The following CARMIL1 variants were observed in gnomAD, a reference collection of about 807,000 sequenced individuals.
CARMIL1 encodes capping protein regulator and myosin 1 linker 1.
Under a neutral mutation model 177.1 loss-of-function variants are expected in CARMIL1, and 90 were observed. That is an observed-to-expected ratio of 0.51 (90% CI 0.43 to 0.61). The LOEUF (loss-of-function observed/expected upper bound fraction) is 0.61. Among genes scored for constraint, CARMIL1 ranks in the 20% least tolerant of loss-of-function variants. The probability of loss-of-function intolerance (pLI) is 0.00; values close to 1 mark genes in which losing one functional copy is unlikely to be tolerated. For missense variants in CARMIL1, 1,380 were observed against 1,667.0 expected (o/e 0.83, Z 3.00); for synonymous variants, 577 against 606.2 (o/e 0.95, Z 0.71).
At chr6:25,373,352 T>A (rs2150444786) in intron 2 of CARMIL1, among the ~76,000 whole-genome samples, 1 of 151,656 alleles carries the variant, frequency 6.6e-6, no homozygotes, top group South Asian at 2.1e-4. Flanking sequence ...TTTCTTTGAA[T>A]GTCTGGTACA....
At chr6:25,368,340 G>A (rs765864140) in intron 2 of CARMIL1, among the ~76,000 whole-genome samples, 3 of 152,130 alleles carry the variant, frequency 2.0e-5, no homozygotes, top group Non-Finnish European at 4.4e-5. Flanking sequence ...CACTTTTTCC[G>A]TTTCTTAAAA....
intron 11 of CARMIL1, chr6:25,479,073 T>C (rs1801847694): frequency 1.9e-6 from 1 of 518,584 alleles, no homozygotes; most frequent in South Asian, 1.4e-5. Flanking sequence ...ATGTGTATGC[T>C]TTCTAACAGA....
intron 2 of CARMIL1, among the ~76,000 whole-genome samples, chr6:25,412,039 A>G (rs902910627): frequency 6.6e-6 from 1 of 152,164 alleles, no homozygotes; most frequent in African/African-American, 2.4e-5. Flanking sequence ...TAGAGATTGT[A>G]ACTTGTTCAT....
At chr6:25,529,473 A>G (rs981687329) in intron 24 of CARMIL1, among the ~76,000 whole-genome samples, 1 of 152,218 alleles carries the variant, frequency 6.6e-6, no homozygotes, top group African/African-American at 2.4e-5. Context: ...TTTTCCAAAA[A>G]TTAACCAAAA....
rs1344034052 is a variant in CARMIL1 at position 25,326,134 on chromosome 6, C to T, written c.138+41225C>T. 6.6e-6 allele frequency among the ~76,000 whole-genome samples: 1 copy of T among 152,174 alleles called. No homozygotes were observed. The highest frequency in any genetic ancestry group is 2.4e-5 in the African/African-American group (1 of 41,442). ...CCGCCCACCTCAGCCTCCCAAAATG[C>T]TGGGATTACAGGCGTGAGCCACTGC... On this transcript the variant is annotated intron_variant, in intron 2 of 36. Transcript: ENST00000329474. The surrounding 1 kb of genome is among the most constrained non-coding windows in gnomAD (Gnocchi z 4.2).
rs41271819 is a variant in CARMIL1, at chr6:25,537,912, G to C, written c.2125G>C (p.Gly709Arg). Residue 709 changes from glycine to arginine, a missense_variant, in exon 25 of 37, where the codon GGG becomes CGG. By Grantham distance (125) the Gly-to-Arg change is moderately radical (BLOSUM62 -2). Transcript: ENST00000329474. ...TCATCTCAACTCCTTACGAAATTGT[G>C]GGGGAGACGCTATCCAGGAAGATTT... ...QDHLNSLRNCGGDAIQEDLKS... is the reference protein window; with the variant it reads ...QDHLNSLRNCRGDAIQEDLKS... The C allele has an allele frequency of 5.2e-4, 837 of 1,608,394 alleles. No individual in the cohort carries two copies. The highest frequency in any genetic ancestry group is 2.0e-3 in the Middle Eastern group (12 of 6,056).
Position 25,478,942 on chromosome 6 carries a change from C to A in CARMIL1, c.875-3315C>A, listed in dbSNP as rs372909332. On this transcript the variant is annotated intron_variant, in intron 11 of 36. Transcript: ENST00000329474. ...CCTTATTTTTGAAATGGAAATACTT[C>A]ATTGTATTTTGCTTTTTCACTTACT... Among the ~76,000 whole-genome samples, 37 of 152,268 alleles carry A rather than the reference C, an allele frequency of 2.4e-4. 1 individual carries two copies. The South Asian group carries it at 5.2e-3, about 21-fold the overall frequency.
chr6:25,468,956 G>T (rs530044863), intron 9 of CARMIL1, among the ~76,000 whole-genome samples: 4 of 152,122 alleles, frequency 2.6e-5, no homozygotes, highest in Non-Finnish European at 5.9e-5. Context: ...TAGGATAATC[G>T]CTGCAAAAAC....
At chr6:25,443,879 C>A (rs1797977212) in intron 5 of CARMIL1, among the ~76,000 whole-genome samples, 1 of 152,024 alleles carries the variant, frequency 6.6e-6, no homozygotes, top group African/African-American at 2.4e-5. Context: ...TCTCGGCTCA[C>A]TGCAACCTCT....
chr6:25,613,642 G>A (rs1468524243), intron 36 of CARMIL1, among the ~76,000 whole-genome samples: 1 of 152,074 alleles, frequency 6.6e-6, no homozygotes, highest in Non-Finnish European at 1.5e-5. Flanking sequence ...TGTCTTTTTT[G>A]TGCCTAAAGT....
At chr6:25,543,940 C>T (rs955922457) in intron 26 of CARMIL1, among the ~76,000 whole-genome samples, 21 of 152,014 alleles carry the variant, frequency 1.4e-4, no homozygotes, top group African/African-American at 4.8e-4. Context: ...TTCCTAAGTA[C>T]CATTAGTTAT....
At chr6:25,587,739 C>T (rs926387530) in intron 31 of CARMIL1, among the ~76,000 whole-genome samples, 1 of 152,170 alleles carries the variant, frequency 6.6e-6, no homozygotes, top group African/African-American at 2.4e-5. Context: ...AACAAATTAA[C>T]TAACTTTACA....
At chr6:25,314,472 CA>C (rs71544634) in intron 2 of CARMIL1, among the ~76,000 whole-genome samples, 1,279 of 115,040 alleles carry the variant, frequency 0.011, 8 homozygotes, top group African/African-American at 0.022. Context: ...GATTCTGTCT[CA>C]AAAAAAAAAA....
chr6:25,473,127 G>A (rs953375262), intron 11 of CARMIL1, among the ~76,000 whole-genome samples: 1 of 152,190 alleles, frequency 6.6e-6, no homozygotes, highest in African/African-American at 2.4e-5. Context: ...AGTTTGCTTT[G>A]TGTGTGAGGC....
chr6:25,496,410 G>A (rs774901529), intron 16 of CARMIL1, among the ~76,000 whole-genome samples: 8 of 150,826 alleles, frequency 5.3e-5, no homozygotes, highest in South Asian at 2.1e-4. Flanking sequence ...CCCGGGAGGC[G>A]GAGGTTGCAG....
Position 25,556,794 on chromosome 6 carries a change from A to C in CARMIL1, c.2686A>C (p.Ile896Leu). The part of the protein sequence containing the change: ...AEEKPVKRSI[I>L]TVEELTEIER... ...GGAGAAGCCAGTTAAACGTTCCATC[A>C]TCACAGTGGAGGAGCTAACAGAGAT... is the stretch of plus-strand genomic sequence containing the variant. Residue 896 changes from isoleucine (I) to leucine (L), a missense_variant, in exon 29 of 37, where the codon ATC becomes CTC. Ile to Leu is a conservative substitution (Grantham distance 5). Transcript: ENST00000329474. 1 of 1,613,636 alleles carries C rather than the reference A, an allele frequency of 6.2e-7. No homozygotes were observed.
intron 2 of CARMIL1, among the ~76,000 whole-genome samples, chr6:25,378,367 AC>A (rs1178088312): frequency 3.3e-5 from 5 of 152,080 alleles, no homozygotes; most frequent in African/African-American, 1.2e-4. Context: ...CAGCAGGGGC[AC>A]CCCTGTGCTC....
chr6:25,478,508 A>G (rs563921966), intron 11 of CARMIL1, among the ~76,000 whole-genome samples: 2 of 152,346 alleles, frequency 1.3e-5, no homozygotes, highest in Admixed American at 1.3e-4. Flanking sequence ...TAAAAATGGC[A>G]TAGATTGGCT....
At chr6:25,571,438 A>C (rs1360857594) in intron 29 of CARMIL1, among the ~76,000 whole-genome samples, 1 of 152,212 alleles carries the variant, frequency 6.6e-6, no homozygotes, top group Admixed American at 6.5e-5. Context: ...TATAAGAACA[A>C]TGAAAGAAGT....
Sources: gnomAD v4.1 joint callset for allele counts (sites outside exome capture counted in the v4.1 genomes callset) on GRCh38, gnomAD v4.1.1 for gene constraint, Gnocchi (gnomAD v3.1) non-coding constraint, MANE v1.5 for transcripts, NCBI Gene and HGNC (gene_info 2026-07-23, HGNC 2026-07-21) for gene names.